The following KLF12 variants were observed in gnomAD, a reference collection of about 807,000 sequenced individuals.
The protein encoded by KLF12 is Krueppel-like factor 12.
KLF12 carries 9 observed loss-of-function variants against 37.8 expected under a neutral mutation model. That is an observed-to-expected ratio of 0.24 (90% CI 0.14 to 0.42). The LOEUF is 0.42. Among genes scored for constraint, KLF12 ranks in the 10% least tolerant of loss-of-function variants. The probability of loss-of-function intolerance (pLI) is 1.00; values close to 1 mark genes in which losing one functional copy is unlikely to be tolerated. For missense variants in KLF12, 411 were observed against 516.0 expected, an observed-to-expected ratio of 0.80 and a Z score of 1.97; for synonymous variants, 208 against 202.1, an observed-to-expected ratio of 1.03 and a Z score of -0.25.
chr13:73,981,850 A>G (rs7337232), intron 2 of KLF12, among the ~76,000 whole-genome samples: 9,043 of 152,256 alleles, frequency 0.059, 559 homozygotes, highest in East Asian at 0.17. Context: ...CCCAGCTTCC[A>G]AACTCTGAGC....
chr13:74,010,445 C>T (rs920647172), intron 1 of KLF12, among the ~76,000 whole-genome samples: 1 of 152,170 alleles, frequency 6.6e-6, no homozygotes, highest in African/African-American at 2.4e-5. Context: ...TGAGATGTGG[C>T]ATGCTACACC....
the KLF12 span, among the ~76,000 whole-genome samples, chr13:74,288,717 G>A: frequency 7.2e-5 from 11 of 152,200 alleles, no homozygotes; most frequent in Admixed American, 3.3e-4. Context: ...AGCCGCTCTA[G>A]ACAACTTGTT....
chr13:73,956,348 T>C (rs965915872), intron 2 of KLF12, among the ~76,000 whole-genome samples: 1 of 152,206 alleles, frequency 6.6e-6, no homozygotes. Context: ...AGGAAGTCCA[T>C]TGTTGTAACT....
intron 5 of KLF12, among the ~76,000 whole-genome samples, chr13:73,794,067 C>CA (rs1377389546): frequency 6.6e-6 from 1 of 152,188 alleles, no homozygotes; most frequent in East Asian, 1.9e-4. Flanking sequence ...AAAGGTGAGG[C>CA]AACACTTCCA....
intron 3 of KLF12, among the ~76,000 whole-genome samples, chr13:73,892,332 A>G (rs114385477): frequency 0.011 from 1,652 of 152,244 alleles, 26 homozygotes; most frequent in African/African-American, 0.038. Flanking sequence ...AAACTCCTAG[A>G]GCAGTAGAAC....
intron 1 of KLF12, among the ~76,000 whole-genome samples, chr13:74,057,446 T>C (rs1166977614): frequency 3.3e-5 from 5 of 152,182 alleles, no homozygotes; most frequent in Non-Finnish European, 5.9e-5. Flanking sequence ...TACTACACTC[T>C]GAGAAGACAA....
chr13:73,887,657 TGC>T (rs1566439291), intron 3 of KLF12, among the ~76,000 whole-genome samples: 68 of 63,838 alleles, frequency 1.1e-3, no homozygotes, highest in African/African-American at 3.0e-3. Context: ...TTAATAGCAA[TGC>T]AAAAAAAGCC....
the KLF12 span, among the ~76,000 whole-genome samples, chr13:74,147,565 A>G: frequency 6.6e-6 from 1 of 152,190 alleles, no homozygotes; most frequent in Non-Finnish European, 1.5e-5. Flanking sequence ...ATATTTTCCA[A>G]GGAACATGAG....
In KLF12 at chr13:74,091,198, T is replaced by G. The variant is rs192269110; in HGVS notation, c.-32+42541A>C. 4.6e-4 allele frequency among the ~76,000 whole-genome samples: 70 copies of G among 152,296 alleles called. 1 individual carries two copies. Among genetic ancestry groups the G allele is most frequent in the African/African-American group, 1.7e-3 (69 of 41,576 alleles). On this transcript the variant is annotated intron_variant, in intron 1 of 7. Coordinates refer to ENST00000377669, the MANE Select transcript of KLF12 (RefSeq NM_007249.5). ...CATGCAAAAGAATGACTTTGGACCC[T>G]TGCCTCATAACATATTCAAAAATTA... is the stretch of plus-strand genomic sequence containing the variant.
intron 3 of KLF12, among the ~76,000 whole-genome samples, chr13:73,862,428 T>C (rs1386811384): frequency 1.3e-5 from 2 of 152,168 alleles, no homozygotes; most frequent in African/African-American, 2.4e-5. Context: ...AATGTCAAGA[T>C]ACAATCTTTA....
At chr13:74,079,918 C>T (rs903176755) in intron 1 of KLF12, among the ~76,000 whole-genome samples, 2 of 152,112 alleles carry the variant, frequency 1.3e-5, no homozygotes, top group African/African-American at 4.8e-5. Flanking sequence ...TCCCTTGCTA[C>T]CCACATTCAC....
chr13:73,846,427 C>A lies in KLF12; in HGVS notation c.124-54G>T, dbSNP rs771862192. The A allele has an allele frequency of 2.9e-5, 42 of 1,441,638 alleles. No individual in the cohort carries two copies. In the Middle Eastern group the frequency reaches 7.6e-4, roughly 26 times the overall value. The allele number at this position is 1,441,638 out of a possible 1,614,324, so 89.3% of individuals were successfully genotyped here. A position where few individuals can be genotyped will look rare whatever the true frequency, so the allele number is the denominator to read the frequency against. On this transcript the variant is annotated intron_variant, in intron 3 of 7. Transcript: ENST00000377669. ...TATCTTTGTTTATCACACATTTTAT[C>A]GATGCATGGCTTACCACTTGAACGT...
At chr13:73,788,655 T>A (rs2030542368) in intron 5 of KLF12, among the ~76,000 whole-genome samples, 1 of 152,192 alleles carries the variant, frequency 6.6e-6, no homozygotes, top group South Asian at 2.1e-4. Context: ...TTTTTTTTAT[T>A]TTTAAAGATT....
At chr13:74,240,928 CCTT>C in the KLF12 span, among the ~76,000 whole-genome samples, 1 of 150,852 alleles carries the variant, frequency 6.6e-6, no homozygotes, top group Non-Finnish European at 1.5e-5. Context: ...TCGTCTGAAG[CCTT>C]CTTCTCTCAG....
chr13:73,700,383 T>C (rs1201506344), intron 7 of KLF12, among the ~76,000 whole-genome samples: 2 of 151,816 alleles, frequency 1.3e-5, no homozygotes, highest in African/African-American at 4.8e-5. Context: ...AATGAAAACC[T>C]TTCCTATGTG....
intron 2 of KLF12, among the ~76,000 whole-genome samples, chr13:73,987,005 C>A (rs569613756): frequency 6.6e-6 from 1 of 152,052 alleles, no homozygotes; most frequent in East Asian, 1.9e-4. Flanking sequence ...AAATTAAAAG[C>A]CTTTAATAAA....
intron 2 of KLF12, among the ~76,000 whole-genome samples, chr13:73,991,239 A>C (rs549122151): frequency 1.3e-5 from 2 of 152,346 alleles, no homozygotes; most frequent in East Asian, 3.9e-4. Context: ...AAAAACTTTT[A>C]GTACGATTAT....
At chr13:73,724,275 A>C (rs561656058) in intron 6 of KLF12, among the ~76,000 whole-genome samples, 1 of 152,362 alleles carries the variant, frequency 6.6e-6, no homozygotes, top group South Asian at 2.1e-4. Context: ...CATTCTCAGC[A>C]AACTAACACA....
intron 1 of KLF12, among the ~76,000 whole-genome samples, chr13:73,996,852 C>T (rs983884777): frequency 6.6e-6 from 1 of 152,152 alleles, no homozygotes; most frequent in Non-Finnish European, 1.5e-5. Flanking sequence ...CACTACCGCA[C>T]TTAGCTGTAC....
Sources: allele counts gnomAD v4.1 joint callset (sites outside exome capture counted in the v4.1 genomes callset), GRCh38; gene constraint gnomAD v4.1.1; transcripts MANE v1.5; gene names NCBI Gene and HGNC (gene_info 2026-07-23, HGNC 2026-07-21).